ZSCAN4: variants seen among roughly 807,000 people sequenced by gnomAD.
ZSCAN4 encodes zinc finger and SCAN domain containing 4.
A neutral mutation model predicts 18.3 loss-of-function variants in ZSCAN4; 18 were observed. That is an observed-to-expected ratio of 0.98 (90% CI 0.68 to 1.46). The LOEUF is 1.46. ZSCAN4 is among the 40% of genes most tolerant of loss of function. ZSCAN4 has a pLI of 0.00. For missense variants in ZSCAN4, 498 were observed against 511.4 expected, an observed-to-expected ratio of 0.97 and a Z score of 0.25; for synonymous variants, 193 against 180.3, an observed-to-expected ratio of 1.07 and a Z score of -0.57.
At chr19:57,660,123 G>C in the ZSCAN4 span, among the ~76,000 whole-genome samples, 4 of 152,290 alleles carry the variant, frequency 2.6e-5, no homozygotes, top group Non-Finnish European at 5.9e-5. Context: ...TCTGACACCA[G>C]ATGCCAAGTG....
intron 3 of ZSCAN4, 113 bp from the exon 4 acceptor site, chr19:57,677,801 G>A: frequency 1.1e-6 from 1 of 946,692 alleles, no homozygotes; most frequent in Non-Finnish European, 1.5e-6. Flanking sequence ...GACAAAATAT[G>A]TGATAGCCAA....
At chr19:57,678,759 C>A in exon 5 of ZSCAN4, 1 of 1,614,118 alleles carries the variant, frequency 6.2e-7, no homozygotes, top group South Asian at 1.1e-5. Context: ...CCTGCGGTCT[C>A]ATGAGAGAAT....
At chr19:57,653,361 T>C in the ZSCAN4 span, among the ~76,000 whole-genome samples, 1 of 140,428 alleles carries the variant, frequency 7.1e-6, no homozygotes, top group African/African-American at 2.8e-5. Flanking sequence ...CAATCCAGCC[T>C]GGGTGACAGA....
chr19:57,664,389 C>A (rs1225331729), upstream of ZSCAN4: 1 of 152,592 alleles, frequency 6.6e-6, no homozygotes, highest in Non-Finnish European at 1.5e-5. Flanking sequence ...GCGCTGTGGC[C>A]GCTCAGCGTC....
At chr19:57,663,415 G>T in the ZSCAN4 span, among the ~76,000 whole-genome samples, 12 of 149,514 alleles carry the variant, frequency 8.0e-5, no homozygotes, top group African/African-American at 2.9e-4. Context: ...CTGGGGGCGA[G>T]TGGCTCACGC....
At chr19:57,675,259 C>A (rs1984148946) in intron 2 of ZSCAN4, among the ~76,000 whole-genome samples, 1 of 151,398 alleles carries the variant, frequency 6.6e-6, no homozygotes, top group African/African-American at 2.4e-5. Context: ...GCAATTCTCC[C>A]ATCTCAGCCT....
At chr19:57,663,943 A>G (rs577889853), upstream of ZSCAN4, among the ~76,000 whole-genome samples, 136 of 152,176 alleles carry the variant, frequency 8.9e-4, no homozygotes, top group East Asian at 2.3e-3. Flanking sequence ...CCTGACCAAC[A>G]TGGTGAAACC....
At chr19:57,678,580 A>G (rs1390670747) in exon 5 of ZSCAN4, 2 of 1,614,004 alleles carry the variant, frequency 1.2e-6, no homozygotes, top group Non-Finnish European at 1.7e-6. Flanking sequence ...TATCTCTGTC[A>G]CTTATTAGCT....
chr19:57,678,573 C>G, exon 5 of ZSCAN4: 1 of 1,614,062 alleles, frequency 6.2e-7, no homozygotes, highest in Non-Finnish European at 8.5e-7. Context: ...CTTTAAGTAT[C>G]TCTGTCACTT....
intron 2 of ZSCAN4, among the ~76,000 whole-genome samples, chr19:57,670,923 C>A (rs1984000778): frequency 6.6e-6 from 1 of 151,936 alleles, no homozygotes; most frequent in Non-Finnish European, 1.5e-5. Context: ...TTAGTAGCCC[C>A]AATCACAGCT....
At chr19:57,665,588 T>G (rs1323634052), upstream of ZSCAN4, among the ~76,000 whole-genome samples, 2 of 152,218 alleles carry the variant, frequency 1.3e-5, no homozygotes, top group African/African-American at 4.8e-5. Flanking sequence ...ATTGTTCTTT[T>G]GTAAATGTGT....
At chr19:57,676,500 A>G in exon 3 of ZSCAN4, 7 of 1,614,154 alleles carry the variant, frequency 4.3e-6, no homozygotes, top group Non-Finnish European at 5.1e-6. Context: ...GGAGAGATTC[A>G]TAGAAGACCT....
chr19:57,670,543 C>T (rs1025046900), exon 2 of ZSCAN4: 11 of 152,158 alleles, frequency 7.2e-5, no homozygotes, highest in African/African-American at 1.2e-4. Flanking sequence ...GTGTTCGGCC[C>T]GGGATTACCC....
intron 2 of ZSCAN4, among the ~76,000 whole-genome samples, chr19:57,675,680 T>G (rs1471356258): frequency 1.3e-5 from 2 of 152,240 alleles, no homozygotes; most frequent in African/African-American, 4.8e-5. Flanking sequence ...ATGATTTTAT[T>G]ATGTTCTTGT....
chr19:57,657,550 A>G, the ZSCAN4 span, among the ~76,000 whole-genome samples: 1 of 152,184 alleles, frequency 6.6e-6, no homozygotes, highest in African/African-American at 2.4e-5. Context: ...TAAATTTGGA[A>G]AACACTGTAG....
chr19:57,671,720 T>C (rs1984029349), intron 2 of ZSCAN4, among the ~76,000 whole-genome samples: 1 of 152,200 alleles, frequency 6.6e-6, no homozygotes, highest in Non-Finnish European at 1.5e-5. Context: ...GGAAGCATTA[T>C]GACAACTGGG....
chr19:57,675,872 T>C (rs1045438453), intron 2 of ZSCAN4, among the ~76,000 whole-genome samples, 169 bp from the exon 3 acceptor site: 3 of 152,248 alleles, frequency 2.0e-5, no homozygotes, highest in African/African-American at 7.2e-5. Context: ...CTGACCTCAG[T>C]AACTAAAGTG....
the ZSCAN4 span, among the ~76,000 whole-genome samples, chr19:57,654,488 A>C: frequency 6.6e-6 from 1 of 152,096 alleles, no homozygotes; most frequent in Non-Finnish European, 1.5e-5. Context: ...GTACCTCCTT[A>C]GCCCAGCTGG....
chr19:57,676,496 A>G lies in ZSCAN4; in HGVS notation c.351A>G (p.Arg117=), dbSNP rs181655884. The G allele has an allele frequency of 6.2e-6, 10 of 1,614,156 alleles. No individual in the cohort carries two copies. The East Asian group carries it at 2.2e-4, about 36-fold the overall frequency. ...AATCAAGTGGCAAAAACTTGGAGAG[A>G]TTCATAGAAGACCTGACTGATGACA... Residue 117 remains arginine (R), a synonymous_variant, in exon 3 of 5, where the codon AGA becomes AGG. Transcript: ENST00000318203.
Sources: allele counts gnomAD v4.1 joint callset (sites outside exome capture counted in the v4.1 genomes callset), GRCh38; gene constraint gnomAD v4.1.1; transcripts MANE v1.5; gene names NCBI Gene and HGNC (gene_info 2026-07-23, HGNC 2026-07-21).